The following SORCS3 variants were observed in gnomAD, a reference collection of about 807,000 sequenced individuals.
SORCS3 encodes sortilin related VPS10 domain containing receptor 3.
A neutral mutation model predicts 146.3 loss-of-function variants in SORCS3; 57 were observed. The observed-to-expected ratio is 0.39, with a 90% CI of 0.31 to 0.49. SORCS3 has a LOEUF of 0.49. SORCS3 is among the 20% of genes least tolerant of loss of function. The pLI, the probability that SORCS3 is intolerant of heterozygous loss-of-function variation, is 0.92. For missense variants in SORCS3, 1,341 were observed against 1,575.5 expected (o/e 0.85, Z 2.52); for synonymous variants, 653 against 618.5 (o/e 1.06, Z -0.83).
At chr10:105,080,023 C>T (rs940925857) in intron 5 of SORCS3, among the ~76,000 whole-genome samples, 9 of 152,188 alleles carry the variant, frequency 5.9e-5, no homozygotes, top group South Asian at 4.2e-4. Flanking sequence ...TGAACATTCA[C>T]GCGCATGTGT....
chr10:104,794,907 G>A lies in SORCS3; in HGVS notation c.628-47885G>A, dbSNP rs527944711. ...CCTGCTTTCCTCTACCCTAAGAAAAGCCATAGATGGTCTCAGTGTGGTAAA... is the reference window on the plus strand; with the variant it reads ...CCTGCTTTCCTCTACCCTAAGAAAAACCATAGATGGTCTCAGTGTGGTAAA... On this transcript the variant is annotated intron_variant, in intron 1 of 26. Coordinates refer to ENST00000369701, the MANE Select transcript of SORCS3 (RefSeq NM_014978.3). Among the ~76,000 whole-genome samples, 121 of 152,216 alleles carry A rather than the reference G, an allele frequency of 7.9e-4. 1 individual carries two copies. Among genetic ancestry groups the A allele is most frequent in the African/African-American group, 2.8e-3 (116 of 41,510 alleles).
chr10:105,210,294 C>T (rs79262751), intron 16 of SORCS3, among the ~76,000 whole-genome samples: 1,926 of 152,244 alleles, frequency 0.013, 13 homozygotes, highest in East Asian at 0.02. Flanking sequence ...GTTTATTTTG[C>T]CCCATCGGTG....
At chr10:104,750,858 CA>C (rs1360995618) in intron 1 of SORCS3, among the ~76,000 whole-genome samples, 1 of 151,986 alleles carries the variant, frequency 6.6e-6, no homozygotes, top group East Asian at 1.9e-4. Context: ...ATACAATAAG[CA>C]AAAAAACTCA....
chr10:105,243,601 C>T (rs1036537156), intron 20 of SORCS3, among the ~76,000 whole-genome samples: 1 of 152,176 alleles, frequency 6.6e-6, no homozygotes, highest in African/African-American at 2.4e-5. Context: ...TGTCATCACC[C>T]AGTCATAAGT....
At chr10:105,077,659 T>A (rs1226217137) in intron 5 of SORCS3, among the ~76,000 whole-genome samples, 1 of 152,212 alleles carries the variant, frequency 6.6e-6, no homozygotes, top group African/African-American at 2.4e-5. Flanking sequence ...TCTCTTTTTG[T>A]CTCTTGTCTC....
At chr10:105,087,487 G>GAAAAAAAAAAA (rs59554883) in intron 5 of SORCS3, among the ~76,000 whole-genome samples, 2 of 142,216 alleles carry the variant, frequency 1.4e-5, no homozygotes, top group Non-Finnish European at 3.1e-5. Flanking sequence ...TCTCTTCTGG[G>GAAAAAAAAAAA]AAAAAAAAAA....
In SORCS3 at chr10:104,768,626, A is replaced by G. The variant is rs561958354; in HGVS notation, c.628-74166A>G. Among the ~76,000 whole-genome samples the G allele has an allele frequency of 2.6e-5, 4 of 152,300 alleles. No individual in the cohort carries two copies. In the East Asian group the frequency reaches 7.7e-4, roughly 29 times the overall value. On this transcript the variant is annotated intron_variant, in intron 1 of 26. Transcript: ENST00000369701. ...ATAAGTCACCAGGGCTCTTGAAGAAATTGGTGAAGCTTCATTCTCTTGCAG... is the reference window on the plus strand; with the variant it reads ...ATAAGTCACCAGGGCTCTTGAAGAAGTTGGTGAAGCTTCATTCTCTTGCAG...
At chr10:104,977,565 A>G (rs2054907597) in intron 4 of SORCS3, 72 bp downstream of exon 4, 3 of 1,404,192 alleles carry the variant, frequency 2.1e-6, no homozygotes, top group Admixed American at 4.5e-5. Flanking sequence ...TGCTTGCTTA[A>G]TCCACATTTT....
intron 1 of SORCS3, among the ~76,000 whole-genome samples, chr10:104,784,297 G>T (rs962597197): frequency 6.6e-6 from 1 of 152,108 alleles, no homozygotes; most frequent in Admixed American, 6.5e-5. Context: ...GGTGCTCCTG[G>T]TATCTAGTGA....
chr10:104,938,810 T>C (rs941944108), intron 3 of SORCS3, among the ~76,000 whole-genome samples: 1 of 152,184 alleles, frequency 6.6e-6, no homozygotes, highest in Non-Finnish European at 1.5e-5. Flanking sequence ...CAGTGCAACA[T>C]TTTTCTTGCT....
chr10:104,751,858 C>T (rs1029407219), intron 1 of SORCS3, among the ~76,000 whole-genome samples: 5 of 142,242 alleles, frequency 3.5e-5, no homozygotes, highest in Non-Finnish European at 7.6e-5. Flanking sequence ...GGGATTTTGT[C>T]ACTGGGGTTT....
At chr10:105,193,071 C>A (rs1423594589) in intron 14 of SORCS3, among the ~76,000 whole-genome samples, 1 of 152,082 alleles carries the variant, frequency 6.6e-6, no homozygotes, top group African/African-American at 2.4e-5. Flanking sequence ...CTAATGAGGT[C>A]TTTTATTTTT....
chr10:105,184,884 C>T (rs988709286), intron 14 of SORCS3, among the ~76,000 whole-genome samples: 1 of 152,242 alleles, frequency 6.6e-6, no homozygotes, highest in Middle Eastern at 3.4e-3. Context: ...TTGCTAAATA[C>T]AGACACTATG....
In SORCS3 at chr10:105,137,728, ACT is replaced by A. The variant is rs2056068541; in HGVS notation, c.1213-1666_1213-1665del. Among the ~76,000 whole-genome samples the A allele has an allele frequency of 2.6e-5, 4 of 152,222 alleles. No homozygotes were observed. In the South Asian group the frequency reaches 8.3e-4, roughly 32 times the overall value. On this transcript the variant is annotated intron_variant, in intron 7 of 26. Transcript: ENST00000369701. ...CCAACTCAGATCTATTGAATCAGAG[ACT>A]CTGCAGATGGGCCTTAGTAATCTGT... is the stretch of plus-strand genomic sequence containing the variant.
chr10:104,972,263 C>G (rs952354544), intron 3 of SORCS3, among the ~76,000 whole-genome samples: 1 of 152,126 alleles, frequency 6.6e-6, no homozygotes, highest in African/African-American at 2.4e-5. Context: ...ATTGAGGAAG[C>G]TGAGGTTAGG....
At chr10:104,962,733 T>C (rs536695199) in intron 3 of SORCS3, among the ~76,000 whole-genome samples, 1 of 152,212 alleles carries the variant, frequency 6.6e-6, no homozygotes, top group Non-Finnish European at 1.5e-5. Context: ...GATAATGTTT[T>C]ATGATTGTAA....
chr10:105,059,677 T>C (rs1348194664), intron 5 of SORCS3, among the ~76,000 whole-genome samples: 2 of 152,174 alleles, frequency 1.3e-5, no homozygotes, highest in African/African-American at 4.8e-5. Context: ...GCAGTGAGAA[T>C]TTCCCCAATC....
intron 5 of SORCS3, among the ~76,000 whole-genome samples, chr10:105,055,264 G>A (rs1008820286): frequency 5.9e-5 from 9 of 152,244 alleles, no homozygotes; most frequent in African/African-American, 2.2e-4. Flanking sequence ...AGATACATAC[G>A]TAATTTGCCT....
At chr10:105,227,946 G>A (rs986320338) in intron 20 of SORCS3, among the ~76,000 whole-genome samples, 1 of 150,330 alleles carries the variant, frequency 6.7e-6, no homozygotes, top group Non-Finnish European at 1.5e-5. Context: ...GTCATGACAG[G>A]TGGGATGAGT....
Sources: allele counts gnomAD v4.1 joint callset (sites outside exome capture counted in the v4.1 genomes callset), GRCh38; gene constraint gnomAD v4.1.1; transcripts MANE v1.5; gene names NCBI Gene and HGNC (gene_info 2026-07-23, HGNC 2026-07-21).